The following DMD variants were observed in gnomAD, a reference collection of about 807,000 sequenced individuals.
DMD encodes mutant dystrophin.
DMD carries 63 observed loss-of-function variants against 330.1 expected under a neutral mutation model. That is an observed-to-expected ratio of 0.19 (90% CI 0.16 to 0.24). DMD has a LOEUF of 0.24. Among genes scored for constraint, DMD ranks in the 10% least tolerant of loss-of-function variants. The probability of loss-of-function intolerance (pLI) is 1.00; values close to 1 mark genes in which losing one functional copy is unlikely to be tolerated. For missense variants in DMD, 3,344 were observed against 2,684.1 expected, an observed-to-expected ratio of 1.25 and a Z score of -5.43; for synonymous variants, 1,223 against 959.8, an observed-to-expected ratio of 1.27 and a Z score of -5.07.
At chrX:32,052,071 T>C (rs895597850) in intron 44 of DMD, among the ~76,000 whole-genome samples, 2 of 112,233 alleles carry the variant, frequency 1.8e-5, no homozygotes, top group African/African-American at 6.5e-5. Flanking sequence ...TTTCTGCAAG[T>C]GCAGTATAAA....
At chrX:32,248,695 CG>C (rs2097252020) in intron 43 of DMD, among the ~76,000 whole-genome samples, 1 of 110,364 alleles carries the variant, frequency 9.1e-6, no homozygotes, top group African/African-American at 3.3e-5. Context: ...CTAGTAACCA[CG>C]TAATTAATTA....
rs374365650 is a variant in DMD, at chrX:31,673,577, C to T, written c.7872+5798G>A. Among the ~76,000 whole-genome samples the T allele has an allele frequency of 2.0e-4, 22 of 110,548 alleles. No homozygotes were observed. The South Asian group carries it at 8.6e-3, about 43-fold the overall frequency. On this transcript the variant is annotated intron_variant, in intron 53 of 78. Coordinates refer to ENST00000357033, the MANE Select transcript of DMD (RefSeq NM_004006.3). ...AAGCCAAGATCATGCCACTGCACTC[C>T]AGCCTGGGTGACAGAGTGAGACTCC...
chrX:31,725,215 T>C (rs2085931209), intron 52 of DMD, among the ~76,000 whole-genome samples: 1 of 105,716 alleles, frequency 9.5e-6, no homozygotes, highest in African/African-American at 3.6e-5. Flanking sequence ...GTTTTCTGTC[T>C]CTAAAATGGG....
chrX:32,040,740 G>A (rs2095994481), intron 44 of DMD, among the ~76,000 whole-genome samples: 1 of 111,355 alleles, frequency 9.0e-6, no homozygotes, highest in Admixed American at 9.6e-5. Flanking sequence ...CATTTTTCCT[G>A]TCCCTGAAAA....
chrX:31,297,842 C>A (rs979521622), intron 62 of DMD, among the ~76,000 whole-genome samples: 1 of 112,297 alleles, frequency 8.9e-6, no homozygotes. Flanking sequence ...GTTCTATGGG[C>A]CTACAGTCCT....
In DMD at chrX:32,441,264, G is replaced by C. The variant is rs749460363; in HGVS notation, c.3837C>G (p.Asn1279Lys). Residue 1279 changes from asparagine (N) to lysine (K), a missense_variant, in exon 28 of 79, where the codon AAC becomes AAG. Transcript: ENST00000357033. ...TAAATTCTACTTCATTTAGCCACTT[G>C]TTTGCTTTCTCCAAGTATGACAATA... is the stretch of plus-strand genomic sequence containing the variant. Reference protein sequence around the residue: ...HELLSYLEKANKWLNEVEFKL... With the variant: ...HELLSYLEKAKKWLNEVEFKL... The C allele has an allele frequency of 4.1e-6, 5 of 1,208,762 alleles. No homozygotes were observed. In the South Asian group the frequency reaches 7.0e-5, roughly 17 times the overall value.
chrX:33,241,865 G>A (rs756963143), intron 1 of DMD, among the ~76,000 whole-genome samples: 14 of 110,787 alleles, frequency 1.3e-4, no homozygotes, highest in Admixed American at 4.8e-4. Flanking sequence ...GGATTCCAGC[G>A]ATTCTCATGC....
chrX:32,024,152 T>G (rs73217580), intron 44 of DMD, among the ~76,000 whole-genome samples: 1,874 of 111,931 alleles, frequency 0.017, 20 homozygotes, highest in Admixed American at 0.03. Context: ...ATGAAATTAT[T>G]AAAAGTATGA....
At chrX:32,675,084 A>G (rs770736733) in intron 9 of DMD, among the ~76,000 whole-genome samples, 1 of 111,625 alleles carries the variant, frequency 9.0e-6, no homozygotes, top group East Asian at 2.8e-4. Flanking sequence ...AGTTCACCAA[A>G]TCTAGTTAAT....
intron 8 of DMD, 54 bp downstream of exon 8, chrX:32,699,058 A>C (rs2063881032): frequency 5.6e-6 from 6 of 1,069,150 alleles, no homozygotes; most frequent in Admixed American, 4.4e-5. Flanking sequence ...ATACCTAAAA[A>C]TGCATATAAA....
intron 44 of DMD, among the ~76,000 whole-genome samples, chrX:32,181,607 A>G (rs1317428967): frequency 1.1e-4 from 12 of 111,714 alleles, no homozygotes; most frequent in Non-Finnish European, 1.9e-5. Flanking sequence ...ACCTAAAAAT[A>G]ATTGCTTTGA....
chrX:33,050,493 G>A (rs2094444273), intron 1 of DMD, among the ~76,000 whole-genome samples: 1 of 111,819 alleles, frequency 8.9e-6, no homozygotes, highest in Non-Finnish European at 1.9e-5. Context: ...TTCTGAACGT[G>A]TGTACTTGAT....
chrX:32,545,423 C>T, intron 16 of DMD, 89 bp from the exon 17 acceptor site: 1 of 920,654 alleles, frequency 1.1e-6, no homozygotes, highest in Non-Finnish European at 1.6e-6. Context: ...TAATGAGAAA[C>T]TGTTCTTGCT....
intron 2 of DMD, among the ~76,000 whole-genome samples, chrX:32,879,021 A>AAAAAAAAAAAAAAACAAAC (rs1352069437): frequency 9.8e-6 from 1 of 101,766 alleles, no homozygotes; most frequent in African/African-American, 3.5e-5. Context: ...AAAAAAACAA[A>AAAAAAAAAAAAAAACAAAC]AAACAAAAAA....
intron 1 of DMD, among the ~76,000 whole-genome samples, chrX:33,038,988 C>T (rs1190856742): frequency 9.0e-6 from 1 of 110,526 alleles, no homozygotes; most frequent in African/African-American, 3.3e-5. Context: ...AGCGAGGCTT[C>T]GTCTCAAAAA....
intron 2 of DMD, among the ~76,000 whole-genome samples, chrX:32,873,809 G>C (rs916166944): frequency 8.9e-6 from 1 of 112,201 alleles, no homozygotes; most frequent in African/African-American, 3.2e-5. Context: ...TAAAAGGAAA[G>C]GAATTTTATC....
At chrX:32,541,812 G>GA (rs771899375) in intron 17 of DMD, among the ~76,000 whole-genome samples, 19,482 of 74,843 alleles carry the variant, frequency 0.26, 1,418 homozygotes, top group East Asian at 0.56. Context: ...CTAAAAGTTG[G>GA]GAAAAAAAAA....
At chrX:31,957,478 T>G (rs917314399) in intron 45 of DMD, among the ~76,000 whole-genome samples, 5 of 111,744 alleles carry the variant, frequency 4.5e-5, no homozygotes, top group African/African-American at 1.6e-4. Context: ...ACAGAATAAT[T>G]AACCGGGGCA....
intron 44 of DMD, among the ~76,000 whole-genome samples, chrX:32,183,571 AAT>A (rs34502416): frequency 0.3 from 28,149 of 94,938 alleles, 3,445 homozygotes; most frequent in East Asian, 0.65. Flanking sequence ...TATATATATA[AAT>A]ATATATATAT....
Sources: allele counts gnomAD v4.1 joint callset (sites outside exome capture counted in the v4.1 genomes callset), GRCh38; gene constraint gnomAD v4.1.1; transcripts MANE v1.5; gene names NCBI Gene and HGNC (gene_info 2026-07-23, HGNC 2026-07-21).